The following RABGAP1L variants were observed in gnomAD, a reference collection of about 807,000 sequenced individuals.
The protein encoded by RABGAP1L is RAB GTPase activating protein 1 like, also known as rab GTPase-activating protein 1-like.
Under a neutral mutation model 137.7 loss-of-function variants are expected in RABGAP1L, and 63 were observed. The observed-to-expected ratio is 0.46, with a 90% CI of 0.37 to 0.56. The LOEUF is 0.56. Among genes scored for constraint, RABGAP1L ranks in the 20% least tolerant of loss-of-function variants. The probability of loss-of-function intolerance (pLI) is 0.00; values close to 1 mark genes in which losing one functional copy is unlikely to be tolerated. For missense variants in RABGAP1L, 1,095 were observed against 1,244.0 expected, an observed-to-expected ratio of 0.88 and a Z score of 1.80; for synonymous variants, 431 against 433.7, an observed-to-expected ratio of 0.99 and a Z score of 0.08.
intron 3 of RABGAP1L, among the ~76,000 whole-genome samples, chr1:174,229,070 A>G (rs1367405122): frequency 1.3e-5 from 2 of 152,126 alleles, no homozygotes; most frequent in East Asian, 3.8e-4. Context: ...TGGGCGAAGC[A>G]ATCGTAGATT....
At chr1:174,452,026 T>C (rs1392383625) in intron 13 of RABGAP1L, among the ~76,000 whole-genome samples, 1 of 152,170 alleles carries the variant, frequency 6.6e-6, no homozygotes, top group Non-Finnish European at 1.5e-5. Context: ...ACTATAGTAT[T>C]TTATATACAA....
chr1:174,469,260 A>G (rs1055945294), intron 13 of RABGAP1L, among the ~76,000 whole-genome samples: 2 of 152,282 alleles, frequency 1.3e-5, no homozygotes, highest in African/African-American at 2.4e-5. Context: ...GACAAGGGAA[A>G]TTATTTTGGT....
chr1:174,866,634 A>G (rs2149039835), intron 19 of RABGAP1L, among the ~76,000 whole-genome samples: 1 of 152,292 alleles, frequency 6.6e-6, no homozygotes, highest in Admixed American at 6.5e-5. Flanking sequence ...ACTACAGGCC[A>G]GGCATGGTGG....
intron 17 of RABGAP1L, among the ~76,000 whole-genome samples, chr1:174,729,771 C>T (rs992893457): frequency 6.6e-6 from 1 of 152,184 alleles, no homozygotes; most frequent in Middle Eastern, 3.4e-3. Context: ...ACAATGAGAC[C>T]ATCTCACACC....
intron 19 of RABGAP1L, among the ~76,000 whole-genome samples, chr1:174,838,386 A>T (rs574941439): frequency 1.3e-5 from 2 of 152,188 alleles, no homozygotes; most frequent in African/African-American, 4.8e-5. Flanking sequence ...AGCTAGATAC[A>T]TATAGATGGC....
chr1:174,770,113 T>A (rs993168589), intron 18 of RABGAP1L, among the ~76,000 whole-genome samples: 4 of 152,236 alleles, frequency 2.6e-5, no homozygotes, highest in African/African-American at 9.6e-5. Flanking sequence ...GTACATTCCA[T>A]TAGTTTTGTA....
chr1:174,988,638 T>C lies in RABGAP1L; in HGVS notation c.2806-3T>C, dbSNP rs1671814622. 2 of 1,530,754 alleles carry C rather than the reference T, an allele frequency of 1.3e-6. No individual in the cohort carries two copies. Among genetic ancestry groups the C allele is most frequent in the East Asian group, 2.5e-5 (1 of 40,076 alleles). 94.8% of individuals were successfully genotyped at this position (1,530,754 alleles called of 1,614,324 possible). On this transcript the variant is annotated splice_region_variant and splice_polypyrimidine_tract_variant and intron_variant, in intron 24 of 25. Coordinates refer to ENST00000681986, the MANE Select transcript of RABGAP1L (RefSeq NM_001366446.1). ...TGTTGGTTATCTCTTTTGGATACTTTAGGGTAAGATGATGGCATGCAAACA... is the reference window on the plus strand; with the variant it reads ...TGTTGGTTATCTCTTTTGGATACTTCAGGGTAAGATGATGGCATGCAAACA...
chr1:174,962,562 A>T (rs72717672), intron 20 of RABGAP1L, among the ~76,000 whole-genome samples: 1 of 152,204 alleles, frequency 6.6e-6, no homozygotes, highest in African/African-American at 2.4e-5. Flanking sequence ...TTAAGCTATT[A>T]TGCATAGTAA....
At chr1:174,221,310 C>A in intron 3 of RABGAP1L, 146 bp downstream of exon 3, 1 of 641,494 alleles carries the variant, frequency 1.6e-6, no homozygotes, top group Non-Finnish European at 2.5e-6. Flanking sequence ...ATGTTTCTGC[C>A]TATATCTCTG....
chr1:174,987,838 C>G (rs927509567), intron 24 of RABGAP1L, among the ~76,000 whole-genome samples: 9 of 152,128 alleles, frequency 5.9e-5, no homozygotes, highest in African/African-American at 1.9e-4. Context: ...GAGATGGAGT[C>G]TCATTCTCTC....
intron 10 of RABGAP1L, among the ~76,000 whole-genome samples, chr1:174,295,418 C>G (rs141574480): frequency 6.5e-4 from 99 of 152,046 alleles, no homozygotes; most frequent in African/African-American, 2.3e-3. Flanking sequence ...GAGTCTCACT[C>G]TGTCACCCAG....
intron 8 of RABGAP1L, among the ~76,000 whole-genome samples, chr1:174,272,712 A>T (rs1674663232): frequency 6.6e-6 from 1 of 152,000 alleles, no homozygotes; most frequent in East Asian, 1.9e-4. Flanking sequence ...TGTTATGATA[A>T]TGTCCATTTA....
rs1438331930 is a variant in RABGAP1L, at chr1:174,761,463, G to C, written c.2211+9109G>C. On this transcript the variant is annotated intron_variant, in intron 18 of 25. Coordinates refer to ENST00000681986, the MANE Select transcript of RABGAP1L (RefSeq NM_001366446.1). This position sits in a 1 kb window ranked among gnomAD's most constrained non-coding sequence, Gnocchi z 4.0. ...TTTCAGACGGTGCAGCCGCCAGGCA[G>C]AGGTGCTCCTCACTTCCCAGACAAT... Among the ~76,000 whole-genome samples, 4 of 152,096 alleles carry C rather than the reference G, an allele frequency of 2.6e-5. No individual in the cohort carries two copies. The East Asian group carries it at 7.7e-4, about 29-fold the overall frequency.
At chr1:174,746,755 T>C (rs1218773941) in intron 17 of RABGAP1L, among the ~76,000 whole-genome samples, 1 of 152,246 alleles carries the variant, frequency 6.6e-6, no homozygotes, top group Non-Finnish European at 1.5e-5. Flanking sequence ...GCTATTGGAC[T>C]TAGGAAAGTT....
chr1:174,364,415 C>T (rs1043847887), intron 11 of RABGAP1L, among the ~76,000 whole-genome samples: 9 of 149,924 alleles, frequency 6.0e-5, no homozygotes, highest in South Asian at 2.1e-4. Flanking sequence ...CCACTACGCC[C>T]GGCTAATTTT....
At chr1:174,722,865 A>G (rs977681140) in intron 17 of RABGAP1L, among the ~76,000 whole-genome samples, 1 of 152,164 alleles carries the variant, frequency 6.6e-6, no homozygotes, top group African/African-American at 2.4e-5. Context: ...ATAGAACTTC[A>G]GGTATTTGCC....
intron 13 of RABGAP1L, among the ~76,000 whole-genome samples, chr1:174,562,010 C>T (rs1667249974): frequency 6.6e-6 from 1 of 152,128 alleles, no homozygotes; most frequent in Non-Finnish European, 1.5e-5. Context: ...CACATGGGAT[C>T]TAATTAAACT....
chr1:174,377,759 CTTT>C (rs1553287117), intron 12 of RABGAP1L, among the ~76,000 whole-genome samples: 1 of 141,824 alleles, frequency 7.1e-6, no homozygotes, highest in Admixed American at 7.0e-5. Context: ...AACTGCAACT[CTTT>C]TTTTTTTTTT....
At chr1:174,431,157 A>G (rs1463571382) in intron 13 of RABGAP1L, among the ~76,000 whole-genome samples, 1 of 152,194 alleles carries the variant, frequency 6.6e-6, no homozygotes, top group Non-Finnish European at 1.5e-5. Flanking sequence ...TTCTGTTTTC[A>G]TACAATTTTA....
Sources: allele counts gnomAD v4.1 joint callset (sites outside exome capture counted in the v4.1 genomes callset), GRCh38; gene constraint gnomAD v4.1.1; non-coding constraint Gnocchi (gnomAD v3.1); transcripts MANE v1.5; gene names NCBI Gene and HGNC (gene_info 2026-07-23, HGNC 2026-07-21).